Variants in SUPT3H observed in about 807,000 individuals in gnomAD.
SUPT3H encodes SPT3 homolog, SAGA and STAGA complex component, also known as transcription initiation protein SPT3 homolog.
A neutral mutation model predicts 44.3 loss-of-function variants in SUPT3H; 44 were observed. That is an observed-to-expected ratio of 0.99 (90% CI 0.78 to 1.28). SUPT3H has a LOEUF of 1.28. Ranked by LOEUF, SUPT3H falls within the 50% of genes most tolerant of loss-of-function variation. The pLI is 0.00. For missense variants in SUPT3H, 380 were observed against 387.1 expected (o/e 0.98, Z 0.15); for synonymous variants, 124 against 125.6 (o/e 0.99, Z 0.09).
chr6:45,346,614 C>A (rs1036273692), intron 2 of SUPT3H, among the ~76,000 whole-genome samples: 1 of 150,012 alleles, frequency 6.7e-6, no homozygotes, highest in Non-Finnish European at 1.5e-5. Context: ...ATTGCCCAGG[C>A]CAAAGTGCAG....
chr6:45,260,875 G>A (rs554520845), intron 2 of SUPT3H, among the ~76,000 whole-genome samples: 6 of 152,098 alleles, frequency 3.9e-5, no homozygotes, highest in South Asian at 4.1e-4. Context: ...TCACCAAGAC[G>A]AAAATCACTG....
At chr6:45,097,151 A>G (rs946941807) in intron 3 of SUPT3H, among the ~76,000 whole-genome samples, 2 of 152,222 alleles carry the variant, frequency 1.3e-5, no homozygotes, top group Non-Finnish European at 2.9e-5. Context: ...ATAATCAAAA[A>G]GGAACTGTTC....
At chr6:44,892,782 G>T (rs1377051296) in intron 10 of SUPT3H, among the ~76,000 whole-genome samples, 3 of 152,136 alleles carry the variant, frequency 2.0e-5, no homozygotes, top group Non-Finnish European at 4.4e-5. Flanking sequence ...CAGGACTGAA[G>T]CCCAGGCCTC....
chr6:45,223,544 A>G (rs1168587786), intron 2 of SUPT3H, among the ~76,000 whole-genome samples: 1 of 151,966 alleles, frequency 6.6e-6, no homozygotes, highest in Non-Finnish European at 1.5e-5. Flanking sequence ...TTTTCTAACT[A>G]TATAAATCAT....
At chr6:45,258,152 A>C (rs963805430) in intron 2 of SUPT3H, among the ~76,000 whole-genome samples, 3 of 152,338 alleles carry the variant, frequency 2.0e-5, no homozygotes, top group Middle Eastern at 3.4e-3. Flanking sequence ...TTCTGATATT[A>C]GTTCTGTTTA....
downstream of SUPT3H, among the ~76,000 whole-genome samples, chr6:44,825,932 G>A (rs548120534): frequency 6.6e-5 from 10 of 152,170 alleles, no homozygotes; most frequent in African/African-American, 2.2e-4. Flanking sequence ...ATATGTATGC[G>A]GCGTTCTTGT....
intron 2 of SUPT3H, among the ~76,000 whole-genome samples, chr6:45,176,581 A>G (rs1318592596): frequency 1.3e-5 from 2 of 152,174 alleles, no homozygotes; most frequent in East Asian, 1.9e-4. Flanking sequence ...CCACAGCTCA[A>G]GGAGACCTGC....
chr6:44,925,929 A>C (rs1162197135), intron 10 of SUPT3H, among the ~76,000 whole-genome samples: 1 of 152,178 alleles, frequency 6.6e-6, no homozygotes, highest in Non-Finnish European at 1.5e-5. Flanking sequence ...TTCTGATGGG[A>C]CAATTCATTT....
At chr6:44,956,408 C>G (rs1181792635) in intron 7 of SUPT3H, among the ~76,000 whole-genome samples, 2 of 130,566 alleles carry the variant, frequency 1.5e-5, no homozygotes, top group African/African-American at 5.9e-5. Flanking sequence ...TGATTGAAAC[C>G]GGAAGGTGGA....
intron 2 of SUPT3H, among the ~76,000 whole-genome samples, chr6:45,230,686 A>ATTTTTTTTTTTTT: frequency 8.6e-6 from 1 of 116,818 alleles, no homozygotes; most frequent in Non-Finnish European, 1.8e-5. Flanking sequence ...ATATATATAT[A>ATTTTTTTTTTTTT]TTTTTGAGAT....
At chr6:44,945,546 C>T (rs536451512) in intron 9 of SUPT3H, among the ~76,000 whole-genome samples, 1 of 152,164 alleles carries the variant, frequency 6.6e-6, no homozygotes, top group Non-Finnish European at 1.5e-5. Flanking sequence ...AGCCTTATTG[C>T]TGATATGGAG....
rs543195663 is a variant in SUPT3H, at chr6:45,051,480, T to C, written c.187-30848A>G. Among the ~76,000 whole-genome samples the C allele has an allele frequency of 2.6e-5, 4 of 151,618 alleles. No homozygotes were observed. In the East Asian group the frequency reaches 5.8e-4, roughly 22 times the overall value. On this transcript the variant is annotated intron_variant, in intron 3 of 10. Transcript: ENST00000371459. ...AGTGAAATAAATAGGGAAAAATTTA[T>C]GTATAATACATATTTATTAAATATA...
chr6:44,879,744 T>G (rs1325703938), intron 10 of SUPT3H, among the ~76,000 whole-genome samples: 1 of 152,162 alleles, frequency 6.6e-6, no homozygotes, highest in Non-Finnish European at 1.5e-5. Context: ...GGCAGCAATC[T>G]TTGCTGTTCT....
At chr6:44,849,388 G>A (rs1772478874) in intron 10 of SUPT3H, among the ~76,000 whole-genome samples, 1 of 150,896 alleles carries the variant, frequency 6.6e-6, no homozygotes, top group Non-Finnish European at 1.5e-5. Flanking sequence ...CACTACGCCC[G>A]GCTAATTTTT....
intron 2 of SUPT3H, among the ~76,000 whole-genome samples, chr6:45,176,770 G>C (rs971883373): frequency 3.3e-5 from 5 of 152,182 alleles, no homozygotes; most frequent in African/African-American, 1.2e-4. Context: ...CCTGACCCCT[G>C]ACCCCCGAGC....
At chr6:45,376,036 C>T (rs1468257980) in intron 1 of SUPT3H, among the ~76,000 whole-genome samples, 2 of 152,168 alleles carry the variant, frequency 1.3e-5, no homozygotes, top group Non-Finnish European at 2.9e-5. Context: ...AAACTTCTCA[C>T]TGAAAAACCA....
rs75363025 is a variant in SUPT3H, at chr6:45,343,413, C to T, written c.101+21788G>A. Among the ~76,000 whole-genome samples the T allele has an allele frequency of 5.4e-3, 829 of 152,224 alleles. 12 individuals carry two copies. Among genetic ancestry groups the T allele is most frequent in the African/African-American group, 0.019 (796 of 41,520 alleles). On this transcript the variant is annotated intron_variant, in intron 2 of 10. Transcript: ENST00000371459. ...AGTGAAGAGCACCTGGTAGTTTACTCTTAATTCTGAAGGACTCGAGAGACT... is the reference window on the plus strand; with the variant it reads ...AGTGAAGAGCACCTGGTAGTTTACTTTTAATTCTGAAGGACTCGAGAGACT...
At chr6:44,920,420 A>G (rs2153456493) in intron 10 of SUPT3H, among the ~76,000 whole-genome samples, 2 of 152,120 alleles carry the variant, frequency 1.3e-5, no homozygotes, top group South Asian at 4.2e-4. Context: ...AAAAGTTTTA[A>G]AAAATTAGCC....
chr6:44,977,620 T>G lies in SUPT3H; in HGVS notation c.505-15792A>C, dbSNP rs1346721763. On this transcript the variant is annotated intron_variant, in intron 6 of 10. Transcript: ENST00000371459. ...GGTTTGTTTAGTACTTGGATGAGAG[T>G]TTTGTGGTTTTTCACCAAGGTAAAA... Among the ~76,000 whole-genome samples, 3 of 151,946 alleles carry G rather than the reference T, an allele frequency of 2.0e-5. No homozygotes were observed. In the East Asian group the frequency reaches 5.8e-4, roughly 29 times the overall value.
Sources: allele counts gnomAD v4.1 joint callset (sites outside exome capture counted in the v4.1 genomes callset), GRCh38; gene constraint gnomAD v4.1.1; transcripts MANE v1.5; gene names NCBI Gene and HGNC (gene_info 2026-07-23, HGNC 2026-07-21).